Variants in PTPRK observed in about 807,000 individuals in gnomAD.
The protein encoded by PTPRK is protein tyrosine phosphatase receptor type K, also known as receptor-type tyrosine-protein phosphatase kappa.
In PTPRK, 75 loss-of-function variants were observed where a neutral mutation model predicts 178.0. The ratio of observed to expected loss-of-function variants is 0.42; its 90% confidence interval spans 0.35 to 0.51. The LOEUF (loss-of-function observed/expected upper bound fraction) is 0.51, where lower values mean the gene tolerates loss of function less well. PTPRK is among the 20% of genes least tolerant of loss of function. The pLI is 0.02. For synonymous variants in PTPRK, 637 were observed against 620.6 expected, an observed-to-expected ratio of 1.03 and a Z score of -0.39; for missense variants, 1,441 against 1,797.8, an observed-to-expected ratio of 0.80 and a Z score of 3.59.
At chr6:128,070,321 TC>T (rs1386654654) in intron 11 of PTPRK, among the ~76,000 whole-genome samples, 1 of 151,864 alleles carries the variant, frequency 6.6e-6, no homozygotes, top group Non-Finnish European at 1.5e-5. Context: ...TTGTGCCCCC[TC>T]CCCCAAAATT....
At chr6:128,072,565 A>T (rs1475877648) in intron 11 of PTPRK, among the ~76,000 whole-genome samples, 3 of 152,050 alleles carry the variant, frequency 2.0e-5, no homozygotes, top group African/African-American at 7.2e-5. Flanking sequence ...ATTCAAAGTC[A>T]AACTCTGTAC....
At chr6:128,402,063 C>T (rs990051106) in intron 1 of PTPRK, among the ~76,000 whole-genome samples, 1 of 151,974 alleles carries the variant, frequency 6.6e-6, no homozygotes, top group African/African-American at 2.4e-5. Context: ...TAATCAGAAA[C>T]CATGATATAA....
chr6:128,043,535 CA>C (rs5879873), intron 13 of PTPRK, among the ~76,000 whole-genome samples: 118,498 of 151,750 alleles, frequency 0.78, 47,332 homozygotes, highest in South Asian at 0.95. Context: ...TGACCAATAT[CA>C]TACTATAAAG....
chr6:128,281,426 T>C (rs193032226), intron 3 of PTPRK, among the ~76,000 whole-genome samples: 1 of 152,106 alleles, frequency 6.6e-6, no homozygotes, highest in Non-Finnish European at 1.5e-5. Context: ...TTCCTCCAAA[T>C]GAATGTGAAA....
chr6:128,432,813 TTTA>T (rs1845012345), intron 1 of PTPRK, among the ~76,000 whole-genome samples: 1 of 152,098 alleles, frequency 6.6e-6, no homozygotes, highest in African/African-American at 2.4e-5. Context: ...TTTTTACATT[TTTA>T]TTATTAATTT....
intron 3 of PTPRK, among the ~76,000 whole-genome samples, chr6:128,247,782 C>A (rs1815752182): frequency 6.6e-6 from 1 of 152,170 alleles, no homozygotes; most frequent in South Asian, 2.1e-4. Flanking sequence ...AGTGGCACCA[C>A]TTTTATGAGC....
At chr6:128,518,620 G>T (rs1411288044) in intron 1 of PTPRK, among the ~76,000 whole-genome samples, 1 of 152,162 alleles carries the variant, frequency 6.6e-6, no homozygotes, top group Non-Finnish European at 1.5e-5. Context: ...ACTCCAACTT[G>T]CCTGCATATA....
chr6:127,994,515 C>A (rs1776932324), intron 18 of PTPRK, among the ~76,000 whole-genome samples: 1 of 151,772 alleles, frequency 6.6e-6, no homozygotes, highest in South Asian at 2.1e-4. Flanking sequence ...ATTATCCCCA[C>A]TGCAAAGATA....
At chr6:128,032,184 C>A (rs1775458043) in intron 13 of PTPRK, among the ~76,000 whole-genome samples, 1 of 152,210 alleles carries the variant, frequency 6.6e-6, no homozygotes, top group African/African-American at 2.4e-5. Flanking sequence ...GCTGCTGCCT[C>A]TCACCTTCAG....
intron 27 of PTPRK, among the ~76,000 whole-genome samples, chr6:127,974,136 T>C (rs1216924263): frequency 2.0e-5 from 3 of 152,194 alleles, no homozygotes; most frequent in African/African-American, 7.2e-5. Flanking sequence ...AATACACTAC[T>C]AGTCACAGGT....
rs148786093 is a variant in PTPRK, at chr6:128,048,076, G to A, written c.2194+16682C>T. The stretch of plus-strand genomic sequence containing the variant: ...GGAAAACATTTCTTTGAAGTCCTAC[G>A]TTCTAAGAAGATGTAGCCTTAGATC... On this transcript the variant is annotated intron_variant, in intron 13 of 29. Coordinates refer to ENST00000368226, the MANE Select transcript of PTPRK (RefSeq NM_002844.4). 3.2e-3 allele frequency among the ~76,000 whole-genome samples: 493 copies of A among 152,214 alleles called. 2 individuals are homozygous for A. Among genetic ancestry groups the A allele is most frequent in the African/African-American group, 0.011 (468 of 41,538 alleles).
At chr6:128,455,171 T>G (rs1017696846) in intron 1 of PTPRK, among the ~76,000 whole-genome samples, 6 of 152,142 alleles carry the variant, frequency 3.9e-5, no homozygotes, top group East Asian at 3.8e-4. Context: ...GATTCAGACT[T>G]TCAGTTAATT....
chr6:128,196,826 T>C (rs1406623272), intron 6 of PTPRK, among the ~76,000 whole-genome samples: 1 of 152,144 alleles, frequency 6.6e-6, no homozygotes, highest in East Asian at 1.9e-4. Context: ...ATATACTCTT[T>C]TCTGTAAATT....
chr6:128,214,218 T>C (rs1808792749), intron 6 of PTPRK, among the ~76,000 whole-genome samples: 1 of 152,142 alleles, frequency 6.6e-6, no homozygotes, highest in Non-Finnish European at 1.5e-5. Flanking sequence ...TCCTTCTTCA[T>C]ATGCATAGTA....
rs1349249167 is a variant in PTPRK, at chr6:128,500,284, CA to C, written c.100+19974del. ...CAGAATGTTGAAATAGAGAGTAATA[CA>C]AATTAGAAGTTGTCAGAAACAGATG... is the stretch of plus-strand genomic sequence containing the variant. On this transcript the variant is annotated intron_variant, in intron 1 of 29. Transcript: ENST00000368226. Among the ~76,000 whole-genome samples the C allele has an allele frequency of 6.6e-5, 10 of 151,838 alleles. No homozygotes were observed. The East Asian group carries it at 1.4e-3, about 21-fold the overall frequency.
At chr6:128,203,661 A>G (rs1806375774) in intron 6 of PTPRK, among the ~76,000 whole-genome samples, 2 of 152,098 alleles carry the variant, frequency 1.3e-5, no homozygotes, top group Non-Finnish European at 2.9e-5. Flanking sequence ...TTCTGAGTAA[A>G]CTCCCATTCA....
At chr6:128,134,033 T>C (rs1370828741) in intron 7 of PTPRK, among the ~76,000 whole-genome samples, 1 of 152,188 alleles carries the variant, frequency 6.6e-6, no homozygotes, top group Non-Finnish European at 1.5e-5. Flanking sequence ...ACCTATGAGC[T>C]TTTATTGGCC....
Position 127,983,284 on chromosome 6 carries a change from G to A in PTPRK, c.3345C>T (p.Val1115=). Residue 1115 remains valine, a synonymous_variant, in exon 23 of 30, where the codon GTC becomes GTT. Transcript: ENST00000368226. ...TAATACGCCGAGATCTTAAGGCTTT[G>A]ACACAATTGTAAATATCAACAACAC... The part of the protein sequence containing the change: ...REGVVDIYNC[V]KALRSRRINM... 6.2e-7 allele frequency: 1 copy of A among 1,613,528 alleles called. No homozygotes were observed. The highest frequency in any genetic ancestry group is 1.1e-5 in the South Asian group (1 of 91,048).
chr6:128,351,184 T>C (rs866559897), intron 2 of PTPRK, among the ~76,000 whole-genome samples: 6 of 152,164 alleles, frequency 3.9e-5, no homozygotes, highest in African/African-American at 1.4e-4. Context: ...TCTTAGCACT[T>C]TAAGTAAATA....
Sources: gnomAD v4.1 joint callset for allele counts (sites outside exome capture counted in the v4.1 genomes callset) on GRCh38, gnomAD v4.1.1 for gene constraint, MANE v1.5 for transcripts, NCBI Gene and HGNC (gene_info 2026-07-23, HGNC 2026-07-21) for gene names.